The following ABCB11 variants were observed in gnomAD, a reference collection of about 807,000 sequenced individuals.
The protein encoded by ABCB11 is bile salt export pump.
Under a neutral mutation model 148.0 loss-of-function variants are expected in ABCB11, and 95 were observed. That is an observed-to-expected ratio of 0.64 (90% CI 0.54 to 0.76). The LOEUF (loss-of-function observed/expected upper bound fraction) is 0.76, where lower values mean the gene tolerates loss of function less well. Among genes scored for constraint, ABCB11 ranks in the 30% least tolerant of loss-of-function variants. The pLI is 0.00. For missense variants in ABCB11, 1,523 were observed against 1,617.8 expected (o/e 0.94, Z 1.01); for synonymous variants, 591 against 555.4 (o/e 1.06, Z -0.90).
At chr2:168,929,609 A>C (rs1691474279) in intron 25 of ABCB11, among the ~76,000 whole-genome samples, 1 of 152,226 alleles carries the variant, frequency 6.6e-6, no homozygotes, top group Non-Finnish European at 1.5e-5. Context: ...AAGTGCAGTT[A>C]GAACTTAAGA....
In ABCB11 at chr2:168,969,525, T is replaced by G. The variant is rs758091247; in HGVS notation, c.1836A>C (p.Ser612=). ...TGACCGTAGACAAGCGATGAGCAAC[T>G]GAAATGATTGTGTGCCCATGCTGAA... ...SKIQHGHTII[S]VAHRLSTVRA... Residue 612 remains serine (S), a synonymous_variant, in exon 16 of 28, where the codon TCA becomes TCC. Coordinates refer to ENST00000650372, the MANE Select transcript of ABCB11 (RefSeq NM_003742.4). 19 of 1,612,428 alleles carry G rather than the reference T, an allele frequency of 1.2e-5. No homozygotes were observed. In the South Asian group the frequency reaches 1.8e-4, roughly 15 times the overall value.
rs370132519 is a variant in ABCB11 at position 168,968,408 on chromosome 2, C to T, written c.2075+19G>A. On this transcript the variant is annotated intron_variant, in intron 17 of 27. Coordinates refer to ENST00000650372, the MANE Select transcript of ABCB11 (RefSeq NM_003742.4). ...GAATATTTGGAAAGCTTGTAATCTG[C>T]CCCATGGCTTGAGCTTACCTTAAAC... 5.0e-6 allele frequency: 8 copies of T among 1,606,306 alleles called. No individual in the cohort carries two copies. The highest frequency in any genetic ancestry group is 6.8e-6 in the Non-Finnish European group (8 of 1,175,720).
chr2:168,991,423 C>T (rs529067563), intron 8 of ABCB11, among the ~76,000 whole-genome samples: 21 of 152,144 alleles, frequency 1.4e-4, no homozygotes, highest in South Asian at 8.3e-4. Context: ...CAGTTGGAGA[C>T]GCTCAACTAT....
In ABCB11 at chr2:169,006,751, C is replaced by T. The variant is rs1364017322; in HGVS notation, c.389+6521G>A. Among the ~76,000 whole-genome samples, 6 of 151,940 alleles carry T rather than the reference C, an allele frequency of 3.9e-5. 1 individual carries two copies. In the Middle Eastern group the frequency reaches 0.01, roughly 260 times the overall value. On this transcript the variant is annotated intron_variant, in intron 5 of 27. Transcript: ENST00000650372. ...AATATACAAAAAAAGTTGTATTTTG[C>T]GATAGTAGCAATGGGCAAACTGAAA...
intron 1 of ABCB11, among the ~76,000 whole-genome samples, chr2:169,030,032 G>A (rs758695946): frequency 2.5e-5 from 3 of 121,470 alleles, no homozygotes; most frequent in African/African-American, 9.7e-5. Context: ...GAGCCACCGC[G>A]CCCGGCCAGT....
intron 26 of ABCB11, among the ~76,000 whole-genome samples, chr2:168,925,330 T>A (rs573792479): frequency 6.6e-6 from 1 of 152,338 alleles, no homozygotes; most frequent in South Asian, 2.1e-4. Flanking sequence ...TGGCTAGGCA[T>A]CTGAGGTGCA....
chr2:168,959,099 A>G (rs1213404055), intron 18 of ABCB11, among the ~76,000 whole-genome samples: 2 of 151,728 alleles, frequency 1.3e-5, no homozygotes, highest in African/African-American at 2.4e-5. Context: ...AAGGATCTTC[A>G]AAAATTTTCC....
intron 12 of ABCB11, among the ~76,000 whole-genome samples, chr2:168,974,646 G>T (rs1306689500): frequency 6.6e-6 from 1 of 151,900 alleles, no homozygotes; most frequent in Non-Finnish European, 1.5e-5. Context: ...GTACAATGTG[G>T]CACACAGAGG....
chr2:168,922,629 C>T lies in ABCB11; in HGVS notation c.*993G>A, dbSNP rs1474939036. ...TCAATTGTCCATTTGCTTTCTGGCT[C>T]CCAAGATTTTGCAGGTGGCATCACT... On this transcript the variant is annotated 3_prime_UTR_variant, in exon 28 of 28. Coordinates refer to ENST00000650372, the MANE Select transcript of ABCB11 (RefSeq NM_003742.4). 6.6e-6 allele frequency among the ~76,000 whole-genome samples: 1 copy of T among 152,148 alleles called. No homozygotes were observed. Among genetic ancestry groups the T allele is most frequent in the Non-Finnish European group, 1.5e-5 (1 of 68,042 alleles).
intron 14 of ABCB11, chr2:168,970,692 A>G (rs1405133165): frequency 3.8e-6 from 1 of 263,094 alleles, no homozygotes; most frequent in Non-Finnish European, 7.5e-6. Flanking sequence ...CAGGCCTAGC[A>G]CAACATTGGA....
At chr2:168,934,245 G>A (rs1691716542) in intron 23 of ABCB11, among the ~76,000 whole-genome samples, 1 of 152,064 alleles carries the variant, frequency 6.6e-6, no homozygotes, top group African/African-American at 2.4e-5. Context: ...TAGCTGGGTG[G>A]GTGTAGTGGA....
chr2:168,964,152 C>T, intron 18 of ABCB11, 54 bp downstream of exon 18: 3 of 1,337,794 alleles, frequency 2.2e-6, no homozygotes, highest in Non-Finnish European at 3.1e-6. Flanking sequence ...GGGTACCCAA[C>T]AGTCCCCAGG....
At chr2:168,961,890 A>C (rs764458351) in intron 18 of ABCB11, among the ~76,000 whole-genome samples, 46 of 151,816 alleles carry the variant, frequency 3.0e-4, no homozygotes, top group South Asian at 2.1e-4. Context: ...CAATCTACAG[A>C]AAGTAAGGTT....
At chr2:168,969,638 G>A (rs555397508) in intron 15 of ABCB11, 87 bp from the exon 16 acceptor site, 1 of 1,202,066 alleles carries the variant, frequency 8.3e-7, no homozygotes, top group South Asian at 1.4e-5. Context: ...CCATAGGAAA[G>A]TTAGATCCTT....
intron 24 of ABCB11, 119 bp downstream of exon 24, chr2:168,932,258 G>A (rs1027382956): frequency 1.2e-6 from 1 of 838,330 alleles, no homozygotes; most frequent in Non-Finnish European, 1.9e-6. Flanking sequence ...AACATGTGGT[G>A]TTTGGTTTTC....
Position 168,976,566 on chromosome 2 carries a change from C to A in ABCB11, c.1308+11G>T, listed in dbSNP as rs769196399. 2.0e-6 allele frequency: 3 copies of A among 1,489,930 alleles called. No individual in the cohort carries two copies. Among genetic ancestry groups the A allele is most frequent in the South Asian group, 1.2e-5 (1 of 84,444 alleles). 92.3% of individuals were successfully genotyped at this position (1,489,930 alleles called of 1,614,324 possible). On this transcript the variant is annotated intron_variant, in intron 12 of 27. Coordinates refer to ENST00000650372, the MANE Select transcript of ABCB11 (RefSeq NM_003742.4). ...AACATTTACTATTCTGGGGAACAGA[C>A]CAGCACTCACCTTCACCTCTGGTCT...
Position 168,921,085 on chromosome 2 carries a change from C to T in ABCB11, c.*2537G>A, listed in dbSNP as rs557462. Among the ~76,000 whole-genome samples the T allele has an allele frequency of 0.77, 116,692 of 152,172 alleles. 45,993 individuals carry two copies. The highest frequency in any genetic ancestry group is 0.96 in the East Asian group (4,975 of 5,172). ...TCATCAAAATTAGAGGATTAGCATG[C>T]ATTTATTGCAAACCTTAATTTCCTC... is the stretch of plus-strand genomic sequence containing the variant. On this transcript the variant is annotated 3_prime_UTR_variant, in exon 28 of 28. Coordinates refer to ENST00000650372, the MANE Select transcript of ABCB11 (RefSeq NM_003742.4).
intron 22 of ABCB11, among the ~76,000 whole-genome samples, chr2:168,936,022 T>G (rs568684864): frequency 2.6e-5 from 4 of 152,346 alleles, no homozygotes; most frequent in African/African-American, 9.6e-5. Flanking sequence ...CCGCTATTTC[T>G]CCACACTGGC....
intron 1 of ABCB11, among the ~76,000 whole-genome samples, chr2:169,019,909 G>A (rs1242204999): frequency 6.6e-6 from 1 of 152,096 alleles, no homozygotes. Context: ...AAAGTCAGAG[G>A]GTTTACACTT....
Sources: allele counts gnomAD v4.1 joint callset (sites outside exome capture counted in the v4.1 genomes callset), GRCh38; gene constraint gnomAD v4.1.1; transcripts MANE v1.5; gene names NCBI Gene and HGNC (gene_info 2026-07-23, HGNC 2026-07-21).